The following AGAP1 variants were observed in gnomAD, a reference collection of about 807,000 sequenced individuals.
AGAP1 encodes arf-GAP with GTPase, ANK repeat and PH domain-containing protein 1.
AGAP1 carries 29 observed loss-of-function variants against 105.3 expected under a neutral mutation model. That is an observed-to-expected ratio of 0.28 (90% CI 0.21 to 0.38). AGAP1 has a LOEUF of 0.38. Among genes scored for constraint, AGAP1 ranks in the 10% least tolerant of loss-of-function variants. The probability of loss-of-function intolerance (pLI) is 1.00; values close to 1 mark genes in which losing one functional copy is unlikely to be tolerated. For missense variants in AGAP1, 998 were observed against 1,165.1 expected, an observed-to-expected ratio of 0.86 and a Z score of 2.09; for synonymous variants, 509 against 485.9, an observed-to-expected ratio of 1.05 and a Z score of -0.63.
rs914109322 is a variant in AGAP1, at chr2:235,824,842, C to T, written c.1050+17511C>T. Among the ~76,000 whole-genome samples, 5 of 152,088 alleles carry T rather than the reference C, an allele frequency of 3.3e-5. No individual in the cohort carries two copies. The highest frequency in any genetic ancestry group is 9.7e-5 in the African/African-American group (4 of 41,394). On this transcript the variant is annotated intron_variant, in intron 9 of 17. Transcript: ENST00000304032. This position sits in a 1 kb window ranked among gnomAD's most constrained non-coding sequence, Gnocchi z 5.2. ...TTTTATGTATACCCATCAAGGTAAC[C>T]GGTGCATTCACGGGTTTGGATAATT...
chr2:236,052,777 T>C (rs2057941228), intron 16 of AGAP1, among the ~76,000 whole-genome samples: 2 of 152,092 alleles, frequency 1.3e-5, no homozygotes, highest in Non-Finnish European at 2.9e-5. Flanking sequence ...TTTGTCCCCC[T>C]CTGTAATGGG....
chr2:235,939,357 A>G (rs1455314002), intron 12 of AGAP1, among the ~76,000 whole-genome samples: 1 of 151,934 alleles, frequency 6.6e-6, no homozygotes, highest in Non-Finnish European at 1.5e-5. Context: ...GACATGGGGT[A>G]GGGCATCCCT....
rs117149311 is a variant in AGAP1, at chr2:235,515,728, C to T, written c.163+20879C>T. Among the ~76,000 whole-genome samples, 21 of 152,300 alleles carry T rather than the reference C, an allele frequency of 1.4e-4. No homozygotes were observed. The East Asian group carries it at 4.0e-3, about 29-fold the overall frequency. Reference sequence around the variant, plus strand: ...TGGTGACTTTTGACACGGATGCTAACCTGTAAGATGTGCAGATATATCATG... The same window carrying T: ...TGGTGACTTTTGACACGGATGCTAATCTGTAAGATGTGCAGATATATCATG... On this transcript the variant is annotated intron_variant, in intron 1 of 17. Coordinates refer to ENST00000304032, the MANE Select transcript of AGAP1 (RefSeq NM_001037131.3).
Position 235,930,646 on chromosome 2 carries a change from G to A in AGAP1, c.1325-119G>A. 1.9e-6 allele frequency: 2 copies of A among 1,027,366 alleles called. No homozygotes were observed. Among genetic ancestry groups the A allele is most frequent in the Non-Finnish European group, 2.8e-6 (2 of 713,098 alleles). The allele number at this position is 1,027,366 out of a possible 1,614,324, so 63.6% of individuals were successfully genotyped here. A position where few individuals can be genotyped will look rare whatever the true frequency, so the allele number is the denominator to read the frequency against. On this transcript the variant is annotated intron_variant, in intron 11 of 17. Coordinates refer to ENST00000304032, the MANE Select transcript of AGAP1 (RefSeq NM_001037131.3). This position sits in a 1 kb window ranked among gnomAD's most constrained non-coding sequence, Gnocchi z 7.9. ...TCCGTTTGCCATGCAGGCAGGACAG[G>A]GGCTGCTCTCGGTGGTAAGGTGCAC...
At chr2:235,522,853 C>G (rs1404750617) in intron 1 of AGAP1, among the ~76,000 whole-genome samples, 1 of 152,132 alleles carries the variant, frequency 6.6e-6, no homozygotes, top group Non-Finnish European at 1.5e-5. Context: ...TCTGGGCAAC[C>G]TGTGGGCAGA....
At chr2:235,683,274 C>T (rs772626513) in intron 1 of AGAP1, among the ~76,000 whole-genome samples, 3 of 152,060 alleles carry the variant, frequency 2.0e-5, no homozygotes, top group Non-Finnish European at 2.9e-5. Flanking sequence ...CCACTGCACT[C>T]CAGCCTGGGC....
At chr2:235,605,768 C>T (rs1945911119) in intron 1 of AGAP1, among the ~76,000 whole-genome samples, 1 of 152,238 alleles carries the variant, frequency 6.6e-6, no homozygotes, top group Admixed American at 6.5e-5. Flanking sequence ...CATTTGTTCT[C>T]AACCAGCAAT....
At position 236,096,286 on chromosome 2, in the gene AGAP1, G is replaced by A. The variant is rs759496845; in HGVS notation, c.2115-23906G>A. On this transcript the variant is annotated intron_variant, in intron 16 of 17. Coordinates refer to ENST00000304032, the MANE Select transcript of AGAP1 (RefSeq NM_001037131.3). The surrounding 1 kb of genome is among the most constrained non-coding windows in gnomAD (Gnocchi z 4.4). ...GAGGCCAAGGCGGGGGAATCCCTGA[G>A]GTTAGAAGTTCGAGACCAGCCTGGC... Among the ~76,000 whole-genome samples the A allele has an allele frequency of 4.2e-4, 64 of 152,240 alleles. 1 individual carries two copies. Among genetic ancestry groups the A allele is most frequent in the Middle Eastern group, 6.8e-3 (2 of 294 alleles).
chr2:235,868,680 G>A (rs1244438805), intron 9 of AGAP1, among the ~76,000 whole-genome samples: 1 of 152,162 alleles, frequency 6.6e-6, no homozygotes, highest in Non-Finnish European at 1.5e-5. Flanking sequence ...AATTGCTATC[G>A]AGCAGAGTTT....
intron 13 of AGAP1, among the ~76,000 whole-genome samples, chr2:236,015,925 C>T (rs1204354861): frequency 6.6e-6 from 1 of 152,196 alleles, no homozygotes; most frequent in Non-Finnish European, 1.5e-5. Context: ...AAACAAGTCC[C>T]TCTCTTCACA....
chr2:235,702,170 C>A (rs56037650), intron 1 of AGAP1, among the ~76,000 whole-genome samples: 1,599 of 152,150 alleles, frequency 0.011, 30 homozygotes, highest in Non-Finnish European at 0.014. Context: ...GAACGTGACA[C>A]GGGAGACCAT....
chr2:235,885,691 G>A (rs371514989), intron 10 of AGAP1, among the ~76,000 whole-genome samples: 2 of 152,172 alleles, frequency 1.3e-5, no homozygotes, highest in Non-Finnish European at 1.5e-5. Flanking sequence ...GCTTGCTGGC[G>A]TCTTGAGTTG....
chr2:235,669,275 T>G (rs979764907), intron 1 of AGAP1, among the ~76,000 whole-genome samples: 1 of 152,168 alleles, frequency 6.6e-6, no homozygotes, highest in African/African-American at 2.4e-5. Flanking sequence ...AGACTGTTTT[T>G]TAAACAAGTC....
chr2:235,918,071 G>A (rs781411564), intron 11 of AGAP1, among the ~76,000 whole-genome samples: 1 of 152,214 alleles, frequency 6.6e-6, no homozygotes, highest in Non-Finnish European at 1.5e-5. Context: ...TGGATGAGCA[G>A]TGTCAGTCCA....
rs540489362 is a variant in AGAP1, at chr2:235,545,956, C to G, written c.163+51107C>G. Among the ~76,000 whole-genome samples the G allele has an allele frequency of 2.6e-5, 4 of 152,380 alleles. No homozygotes were observed. In the South Asian group the frequency reaches 6.2e-4, roughly 24 times the overall value. ...TCCCCTCTGTCTGGATGGTACCCCA[C>G]CCTTCGCCCCTAGGCACCTTGGCCA... On this transcript the variant is annotated intron_variant, in intron 1 of 17. Transcript: ENST00000304032.
rs1011484567 is a variant in AGAP1, at chr2:235,719,130, A to G, written c.310+1486A>G. 4.6e-5 allele frequency among the ~76,000 whole-genome samples: 7 copies of G among 152,150 alleles called. No individual in the cohort carries two copies. The highest frequency in any genetic ancestry group is 1.4e-4 in the African/African-American group (6 of 41,428). Reference sequence around the variant, plus strand: ...AGTAAATCTACTTTCAGGGCCCTGCAACTCTGTGGATTTCAAGCTGGGACC... The same window carrying G: ...AGTAAATCTACTTTCAGGGCCCTGCGACTCTGTGGATTTCAAGCTGGGACC... On this transcript the variant is annotated intron_variant, in intron 3 of 17. Transcript: ENST00000304032. The surrounding 1 kb of genome is among the most constrained non-coding windows in gnomAD (Gnocchi z 4.9).
intron 1 of AGAP1, among the ~76,000 whole-genome samples, chr2:235,505,492 G>T (rs767566595): frequency 1.3e-5 from 2 of 152,348 alleles, no homozygotes; most frequent in South Asian, 4.1e-4. Context: ...TTTAGTAGGG[G>T]AAGTGGCTAA....
chr2:235,763,148 G>A (rs3902825), intron 6 of AGAP1, among the ~76,000 whole-genome samples: 29,098 of 151,828 alleles, frequency 0.19, 3,609 homozygotes, highest in East Asian at 0.49. Flanking sequence ...TCACATACAC[G>A]TGGAGCATCC....
At chr2:235,717,492 A>G in intron 2 of AGAP1, 65 bp from the exon 3 acceptor site, 1 of 1,383,734 alleles carries the variant, frequency 7.2e-7, no homozygotes, top group Non-Finnish European at 9.9e-7. Context: ...TTAGCCTCTT[A>G]GTATTTGCAA....
Sources: gnomAD v4.1 joint callset for allele counts (sites outside exome capture counted in the v4.1 genomes callset) on GRCh38, gnomAD v4.1.1 for gene constraint, Gnocchi (gnomAD v3.1) non-coding constraint, MANE v1.5 for transcripts, NCBI Gene and HGNC (gene_info 2026-07-23, HGNC 2026-07-21) for gene names.